ATR: variants seen among roughly 807,000 people sequenced by gnomAD.
ATR encodes serine/threonine-protein kinase ATR.
A neutral mutation model predicts 305.3 loss-of-function variants in ATR; 142 were observed. The observed-to-expected ratio is 0.47, with a 90% CI of 0.41 to 0.53. The LOEUF (loss-of-function observed/expected upper bound fraction) is 0.53, where lower values mean the gene tolerates loss of function less well. Among genes scored for constraint, ATR ranks in the 20% least tolerant of loss-of-function variants. The pLI is 0.00. For synonymous variants in ATR, 1,050 were observed against 1,068.1 expected (o/e 0.98, Z 0.33); for missense variants, 2,135 against 3,133.1 (o/e 0.68, Z 7.60).
chr3:142,453,246 C>A lies in ATR; in HGVS notation c.7656-13G>T. ...AGTCTTTAAGACACTAAAATTGAAA[C>A]AAATATTATGGTATGATGTTATCTT... On this transcript the variant is annotated splice_polypyrimidine_tract_variant and intron_variant, in intron 45 of 46. Coordinates refer to ENST00000350721, the MANE Select transcript of ATR (RefSeq NM_001184.4). The A allele has an allele frequency of 2.5e-6, 4 of 1,609,452 alleles. No homozygotes were observed. In the South Asian group the frequency reaches 3.3e-5, roughly 13 times the overall value.
In ATR at chr3:142,559,085, T is replaced by C. The variant is rs185910949; in HGVS notation, c.1732+166A>G. 351 of 727,098 alleles carry C rather than the reference T, an allele frequency of 4.8e-4. 3 individuals are homozygous for C. Among genetic ancestry groups the C allele is most frequent in the Non-Finnish European group, 5.7e-4 (258 of 454,946 alleles). 45.0% of individuals were successfully genotyped at this position (727,098 alleles called of 1,614,324 possible). On this transcript the variant is annotated intron_variant, in intron 7 of 46. Transcript: ENST00000350721. ...AGAATCAAAATATTATGCACATAAATTGGCAACTCAGAACTTCTATTATTG... is the reference window on the plus strand; with the variant it reads ...AGAATCAAAATATTATGCACATAAACTGGCAACTCAGAACTTCTATTATTG...
At chr3:142,498,859 G>T in intron 31 of ATR, 85 bp from the exon 32 acceptor site, 2 of 1,334,522 alleles carry the variant, frequency 1.5e-6, no homozygotes, top group East Asian at 2.4e-5. Flanking sequence ...ATGGTCAGCT[G>T]AAATATCAAA....
intron 10 of ATR, among the ~76,000 whole-genome samples, chr3:142,555,444 T>G (rs113943234): frequency 0.018 from 2,725 of 152,114 alleles, 29 homozygotes; most frequent in South Asian, 0.041. Flanking sequence ...TCATAAAAAT[T>G]TATACTCCAT....
intron 23 of ATR, among the ~76,000 whole-genome samples, chr3:142,521,425 T>C (rs1333051372): frequency 6.6e-6 from 1 of 152,238 alleles, no homozygotes; most frequent in Non-Finnish European, 1.5e-5. Flanking sequence ...ATTTTGACTT[T>C]CAAGTTTTAT....
intron 46 of ATR, chr3:142,452,302 C>T: frequency 1.0e-6 from 1 of 988,946 alleles, no homozygotes. Context: ...ATTTAGTAAG[C>T]CTGTACAAGA....
At chr3:142,510,192 C>A (rs1358985384) in intron 27 of ATR, among the ~76,000 whole-genome samples, 1 of 149,706 alleles carries the variant, frequency 6.7e-6, no homozygotes, top group Non-Finnish European at 1.5e-5. Flanking sequence ...ACCATTTTGA[C>A]ATGCAGAAAT....
intron 29 of ATR, among the ~76,000 whole-genome samples, chr3:142,504,581 G>A (rs1017114807): frequency 1.3e-5 from 2 of 151,522 alleles, no homozygotes; most frequent in African/African-American, 4.9e-5. Context: ...TCTTGCCTCA[G>A]CCTCCCAAGT....
intron 36 of ATR, among the ~76,000 whole-genome samples, chr3:142,470,630 C>T (rs927289431): frequency 2.6e-5 from 4 of 152,114 alleles, no homozygotes; most frequent in Non-Finnish European, 4.4e-5. Flanking sequence ...GAAATTCTGG[C>T]TTTATCATGC....
At chr3:142,456,914 T>C (rs189086986) in intron 45 of ATR, among the ~76,000 whole-genome samples, 4 of 152,296 alleles carry the variant, frequency 2.6e-5, no homozygotes, top group Admixed American at 2.6e-4. Flanking sequence ...AAATGTTAAG[T>C]ACAGCATTTA....
chr3:142,529,881 G>C (rs1472687884), intron 21 of ATR, among the ~76,000 whole-genome samples: 3 of 151,960 alleles, frequency 2.0e-5, no homozygotes, highest in Admixed American at 1.3e-4. Context: ...TTAAAGTCTA[G>C]GATATGTCTC....
intron 32 of ATR, among the ~76,000 whole-genome samples, chr3:142,497,470 C>T (rs2031714120): frequency 6.6e-6 from 1 of 151,976 alleles, no homozygotes; most frequent in Non-Finnish European, 1.5e-5. Flanking sequence ...GCAGGTGGAT[C>T]ACTTGAACTC....
chr3:142,568,104 A>G lies in ATR; in HGVS notation c.110T>C (p.Leu37Pro). Residue 37 changes from leucine to proline, a missense_variant, in exon 2 of 47, where the codon CTG becomes CCG. Leu to Pro is a moderately conservative substitution (Grantham distance 98). Around this residue, in one of 9 missense-constraint regions of ATR, gnomAD observed 744 missense variants for 873.2 expected, o/e 0.85. Coordinates refer to ENST00000350721, the MANE Select transcript of ATR (RefSeq NM_001184.4). Reference protein sequence around the residue: ...NTVVQKPRQILCQFIDRILTD... With the variant: ...NTVVQKPRQIPCQFIDRILTD... ...AAGTATCCGGTCAATGAATTGACACAGAATTTGTCTTGGCTTCTGTACAAC... is the reference window on the plus strand; with the variant it reads ...AAGTATCCGGTCAATGAATTGACACGGAATTTGTCTTGGCTTCTGTACAAC... 1 of 1,612,764 alleles carries G rather than the reference A, an allele frequency of 6.2e-7. No homozygotes were observed. Among genetic ancestry groups the G allele is most frequent in the South Asian group, 1.1e-5 (1 of 90,832 alleles).
chr3:142,578,535 C>T, intron 1 of ATR, 111 bp downstream of exon 1: 4 of 1,269,408 alleles, frequency 3.2e-6, no homozygotes, highest in South Asian at 1.5e-5. Flanking sequence ...AGGGCCGCAG[C>T]GGGGGCTTAG....
intron 12 of ATR, 33 bp from the exon 13 acceptor site, chr3:142,553,431 CAA>C (rs772567415): frequency 6.0e-6 from 9 of 1,489,268 alleles, no homozygotes; most frequent in Admixed American, 3.6e-5. Context: ...TATGAATACA[CAA>C]ACACACACAC....
chr3:142,517,412 T>A (rs2032915130), intron 24 of ATR, among the ~76,000 whole-genome samples: 1 of 151,770 alleles, frequency 6.6e-6, no homozygotes, highest in Non-Finnish European at 1.5e-5. Flanking sequence ...ATGAATATGC[T>A]TTTAAGAAAT....
intron 1 of ATR, 100 bp downstream of exon 1, chr3:142,578,546 G>T: frequency 7.4e-7 from 1 of 1,353,664 alleles, no homozygotes; most frequent in East Asian, 2.5e-5. Flanking sequence ...GGGGGCTTAG[G>T]GGATCCCAGC....
intron 42 of ATR, among the ~76,000 whole-genome samples, chr3:142,460,722 TACTTC>T (rs1273042474): frequency 6.6e-6 from 1 of 152,200 alleles, no homozygotes; most frequent in Non-Finnish European, 1.5e-5. Flanking sequence ...ACTTATTTTC[TACTTC>T]ACTTTGACAA....
chr3:142,469,077 G>A (rs1464372917), intron 38 of ATR, among the ~76,000 whole-genome samples: 1 of 152,090 alleles, frequency 6.6e-6, no homozygotes, highest in Non-Finnish European at 1.5e-5. Context: ...AGCATTAACT[G>A]TTTACTAGAC....
rs531863361 is a variant in ATR, at chr3:142,574,330, C to T, written c.59+4316G>A. Among the ~76,000 whole-genome samples, 4 of 151,786 alleles carry T rather than the reference C, an allele frequency of 2.6e-5. No homozygotes were observed. The East Asian group carries it at 5.8e-4, about 22-fold the overall frequency. ...TACAAAAATTAGCCAGGCATGGTGGCACACACCTGTAGTCCCAGCTACTTG... is the reference window on the plus strand; with the variant it reads ...TACAAAAATTAGCCAGGCATGGTGGTACACACCTGTAGTCCCAGCTACTTG... On this transcript the variant is annotated intron_variant, in intron 1 of 46. Coordinates refer to ENST00000350721, the MANE Select transcript of ATR (RefSeq NM_001184.4).
Sources: gnomAD v4.1 joint callset for allele counts (sites outside exome capture counted in the v4.1 genomes callset) on GRCh38, gnomAD v4.1.1 for gene constraint, gnomAD v4.1.1 regional missense constraint, MANE v1.5 for transcripts, NCBI Gene and HGNC (gene_info 2026-07-23, HGNC 2026-07-21) for gene names.